The following COX10 variants were observed in gnomAD, a reference collection of about 807,000 sequenced individuals.
COX10 encodes cytochrome c oxidase assembly factor heme A:farnesyltransferase COX10.
COX10 carries 27 observed loss-of-function variants against 37.3 expected under a neutral mutation model. The ratio of observed to expected loss-of-function variants is 0.72; its 90% CI spans 0.53 to 1.00. The LOEUF is 1.00. COX10 is among the 50% of genes least tolerant of loss of function. COX10 has a pLI of 0.00. For missense variants in COX10, 475 were observed against 563.2 expected, an observed-to-expected ratio of 0.84 and a Z score of 1.59; for synonymous variants, 222 against 229.1, an observed-to-expected ratio of 0.97 and a Z score of 0.28.
chr17:14,198,450 T>C (rs904907217), intron 6 of COX10, among the ~76,000 whole-genome samples: 2 of 152,202 alleles, frequency 1.3e-5, no homozygotes, highest in African/African-American at 4.8e-5. Flanking sequence ...ATAAGTCCCA[T>C]GTTTCGGGAG....
intron 4 of COX10, among the ~76,000 whole-genome samples, chr17:14,125,640 T>C (rs1916327297): frequency 6.6e-6 from 1 of 152,160 alleles, no homozygotes; most frequent in Non-Finnish European, 1.5e-5. Flanking sequence ...TTCATCTTTA[T>C]TGTATGTTCT....
At chr17:14,143,672 G>A (rs896578572) in intron 4 of COX10, among the ~76,000 whole-genome samples, 29 of 152,168 alleles carry the variant, frequency 1.9e-4, no homozygotes, top group African/African-American at 4.6e-4. Flanking sequence ...TAGAGGAAAC[G>A]TGTAAATCTT....
chr17:14,151,151 A>G (rs192307516), intron 4 of COX10, among the ~76,000 whole-genome samples: 113 of 152,320 alleles, frequency 7.4e-4, no homozygotes, highest in African/African-American at 2.6e-3. Flanking sequence ...ATTGAAATAA[A>G]CAATGCTTTA....
intron 6 of COX10, among the ~76,000 whole-genome samples, chr17:14,201,528 G>T (rs933647602): frequency 6.6e-6 from 1 of 152,300 alleles, no homozygotes; most frequent in Middle Eastern, 3.4e-3. Flanking sequence ...TGAAAAAAGT[G>T]TATTGAGCAA....
At chr17:14,195,101 C>A (rs1038329933) in intron 6 of COX10, among the ~76,000 whole-genome samples, 44 of 152,160 alleles carry the variant, frequency 2.9e-4, no homozygotes, top group African/African-American at 9.7e-4. Context: ...AAAGCCTTGT[C>A]AAGATTATAC....
chr17:14,158,687 A>G (rs1184238298), intron 4 of COX10, among the ~76,000 whole-genome samples: 1 of 152,122 alleles, frequency 6.6e-6, no homozygotes, highest in Non-Finnish European at 1.5e-5. Flanking sequence ...AACACTGCCT[A>G]AAGTAAGGTT....
At chr17:14,160,189 A>T (rs1362819297) in intron 5 of COX10, among the ~76,000 whole-genome samples, 2 of 152,136 alleles carry the variant, frequency 1.3e-5, no homozygotes, top group East Asian at 1.9e-4. Context: ...ATATATATAT[A>T]TTTTTAATTC....
chr17:14,091,896 A>AT (rs34106542), intron 3 of COX10, among the ~76,000 whole-genome samples: 47,546 of 151,974 alleles, frequency 0.31, 8,370 homozygotes, highest in Admixed American at 0.43. Context: ...CCAACTAACA[A>AT]TTTTTTTGCC....
At chr17:14,110,335 C>T (rs766457288) in intron 4 of COX10, among the ~76,000 whole-genome samples, 4 of 152,062 alleles carry the variant, frequency 2.6e-5, no homozygotes, top group Non-Finnish European at 4.4e-5. Flanking sequence ...GTTCAGCAGA[C>T]ATTGATTTTC....
intron 4 of COX10, among the ~76,000 whole-genome samples, chr17:14,113,102 C>G (rs964400478): frequency 1.3e-5 from 2 of 152,154 alleles, no homozygotes; most frequent in Non-Finnish European, 2.9e-5. Flanking sequence ...CTGTCCACGT[C>G]CGAACTACAG....
intron 4 of COX10, among the ~76,000 whole-genome samples, chr17:14,157,637 A>G (rs903189173): frequency 6.6e-6 from 1 of 152,194 alleles, no homozygotes; most frequent in Non-Finnish European, 1.5e-5. Context: ...AACCAATTCA[A>G]AAAAGCCACC....
intron 6 of COX10, among the ~76,000 whole-genome samples, chr17:14,196,535 C>T (rs1906372420): frequency 1.3e-5 from 2 of 152,182 alleles, no homozygotes; most frequent in African/African-American, 4.8e-5. Flanking sequence ...GATGAGCCAC[C>T]TGCAGAGGAA....
intron 4 of COX10, among the ~76,000 whole-genome samples, chr17:14,153,073 A>C (rs749891577): frequency 1.3e-5 from 2 of 152,152 alleles, no homozygotes; most frequent in Non-Finnish European, 2.9e-5. Context: ...CTAAAACTGT[A>C]CAGAAAGGGG....
intron 3 of COX10, among the ~76,000 whole-genome samples, chr17:14,097,965 A>G (rs766544106): frequency 2.0e-5 from 3 of 152,120 alleles, no homozygotes; most frequent in Non-Finnish European, 4.4e-5. Flanking sequence ...CAGAATAATG[A>G]CAGGAAAAAA....
chr17:14,083,110 G>C (rs974041166), intron 3 of COX10, among the ~76,000 whole-genome samples: 1 of 152,188 alleles, frequency 6.6e-6, no homozygotes, highest in South Asian at 2.1e-4. Flanking sequence ...CCACAGAAAA[G>C]GGGAGCAGCC....
chr17:14,185,453 G>T (rs1025198020), intron 5 of COX10, among the ~76,000 whole-genome samples: 12 of 150,874 alleles, frequency 8.0e-5, no homozygotes, highest in African/African-American at 2.7e-4. Context: ...TCATAGTTGT[G>T]TTTAACTGAG....
At chr17:14,192,562 G>A (rs1248773602) in intron 6 of COX10, among the ~76,000 whole-genome samples, 9 of 152,222 alleles carry the variant, frequency 5.9e-5, no homozygotes, top group Admixed American at 3.3e-4. Context: ...TTCATGGGGC[G>A]GGGAGAAGGT....
intron 4 of COX10, among the ~76,000 whole-genome samples, chr17:14,131,796 C>T (rs935241007): frequency 7.2e-5 from 11 of 151,946 alleles, no homozygotes; most frequent in East Asian, 1.9e-4. Flanking sequence ...TAAGAAAGAA[C>T]GTTGGGGTAC....
intron 5 of COX10, among the ~76,000 whole-genome samples, chr17:14,167,311 T>G (rs144158359): frequency 2.8e-4 from 43 of 152,358 alleles, no homozygotes; most frequent in African/African-American, 1.0e-3. Flanking sequence ...ACCCAATGTA[T>G]TTCTGACGAA....
Sources: gnomAD v4.1 joint callset for allele counts (sites outside exome capture counted in the v4.1 genomes callset) on GRCh38, gnomAD v4.1.1 for gene constraint, MANE v1.5 for transcripts, NCBI Gene and HGNC (gene_info 2026-07-23, HGNC 2026-07-21) for gene names.